HAS2: variants seen among roughly 807,000 people sequenced by gnomAD.
HAS2 encodes hyaluronan synthase 2.
In HAS2, 16 loss-of-function variants were observed where a neutral mutation model predicts 51.6. That is an observed-to-expected ratio of 0.31 (90% CI 0.21 to 0.47). HAS2 has a LOEUF of 0.47. Among genes scored for constraint, HAS2 ranks in the 20% least tolerant of loss-of-function variants. The probability of loss-of-function intolerance (pLI) is 1.00; values close to 1 mark genes in which losing one functional copy is unlikely to be tolerated. For missense variants in HAS2, 361 were observed against 662.6 expected (o/e 0.54, Z 5.00); for synonymous variants, 228 against 235.5 (o/e 0.97, Z 0.29).
At chr8:121,627,987 C>A (rs1812876507) in intron 2 of HAS2, among the ~76,000 whole-genome samples, 1 of 152,044 alleles carries the variant, frequency 6.6e-6, no homozygotes, top group Admixed American at 6.6e-5. Flanking sequence ...TCAATGAGAA[C>A]CAGGAGAGGA....
rs1278141634 is a variant in HAS2, at chr8:121,615,304, AT to A, written c.730-267del. On this transcript the variant is annotated intron_variant, in intron 3 of 3. Transcript: ENST00000303924. Reference sequence around the variant, plus strand: ...CCTCTACCCTCTTTCTGCTATTCTTATTCTGTTTGTTGTGTTATCATATTGA... The same window carrying A: ...CCTCTACCCTCTTTCTGCTATTCTTATCTGTTTGTTGTGTTATCATATTGA... Among the ~76,000 whole-genome samples, 4 of 151,476 alleles carry A rather than the reference AT, an allele frequency of 2.6e-5. No individual in the cohort carries two copies. The East Asian group carries it at 7.8e-4, about 29-fold the overall frequency.
chr8:121,623,134 A>G (rs1812795938), intron 2 of HAS2, among the ~76,000 whole-genome samples: 1 of 152,038 alleles, frequency 6.6e-6, no homozygotes, highest in South Asian at 2.1e-4. Flanking sequence ...ATTCTTCTTA[A>G]AAGGAATTAG....
intron 1 of HAS2, among the ~76,000 whole-genome samples, chr8:121,640,419 CAGTG>C (rs1461599405): frequency 2.7e-5 from 2 of 74,388 alleles, no homozygotes; most frequent in Non-Finnish European, 6.8e-5. Context: ...TTTCTCCCCA[CAGTG>C]TGTGTGTGTG....
chr8:121,615,895 C>CT (rs959434290), intron 3 of HAS2, among the ~76,000 whole-genome samples: 1 of 152,016 alleles, frequency 6.6e-6, no homozygotes, highest in South Asian at 2.1e-4. Context: ...AAATTATCAG[C>CT]TTTTTTTGGC....
rs1303862369 is a variant in HAS2, at chr8:121,612,555, C to T, written c.*1554G>A. 2.0e-5 allele frequency: 3 copies of T among 152,048 alleles called. No homozygotes were observed. The East Asian group carries it at 5.8e-4, about 29-fold the overall frequency. The allele number at this position is 152,048 out of a possible 1,614,324, so 9.4% of individuals were successfully genotyped here. On this transcript the variant is annotated 3_prime_UTR_variant, in exon 4 of 4. Transcript: ENST00000303924. ...CTGTTTATTCAATTATTCATATATT[C>T]CGATTGTGTTTTCAACACAGGTCTA...
chr8:121,618,288 A>G (rs1245763266), intron 2 of HAS2, among the ~76,000 whole-genome samples: 1 of 152,184 alleles, frequency 6.6e-6, no homozygotes, highest in Non-Finnish European at 1.5e-5. Flanking sequence ...ATTCTGAGTA[A>G]TTCCCAGAAC....
intron 2 of HAS2, among the ~76,000 whole-genome samples, chr8:121,622,364 C>G (rs2130438465): frequency 6.6e-6 from 1 of 152,190 alleles, no homozygotes; most frequent in South Asian, 2.1e-4. Flanking sequence ...GGATCCCAAT[C>G]CACCATTAAC....
Position 121,613,484 on chromosome 8 carries a change from AT to A in HAS2, c.*624del, listed in dbSNP as rs1466375907. 1 of 152,612 alleles carries A rather than the reference AT, an allele frequency of 6.6e-6. No individual in the cohort carries two copies. The highest frequency in any genetic ancestry group is 1.9e-4 in the East Asian group (1 of 5,198). 9.5% of individuals were successfully genotyped at this position (152,612 alleles called of 1,614,324 possible). On this transcript the variant is annotated 3_prime_UTR_variant, in exon 4 of 4. Transcript: ENST00000303924. Reference sequence around the variant, plus strand: ...ACATTTTGGGCAGGATTTTTTAAGTATAAATTTTTTAAGAACTTATTTTATT... The same window carrying A: ...ACATTTTGGGCAGGATTTTTTAAGTAAAATTTTTTAAGAACTTATTTTATT...
At chr8:121,616,602 A>G (rs1812706669) in intron 3 of HAS2, among the ~76,000 whole-genome samples, 1 of 151,688 alleles carries the variant, frequency 6.6e-6, no homozygotes, top group African/African-American at 2.4e-5. Flanking sequence ...CGCCCAGCTA[A>G]TTTTTGTATT....
chr8:121,624,308 A>G (rs1740257375), intron 2 of HAS2, among the ~76,000 whole-genome samples: 1 of 152,222 alleles, frequency 6.6e-6, no homozygotes, highest in Admixed American at 6.5e-5. Flanking sequence ...GAGACCATGA[A>G]GAGGATAATT....
intron 1 of HAS2, among the ~76,000 whole-genome samples, chr8:121,634,749 CT>C (rs77932541): frequency 0.096 from 13,743 of 142,664 alleles, 757 homozygotes; most frequent in African/African-American, 0.16. Flanking sequence ...CTCAAACAGT[CT>C]TTTTTTTTTT....
chr8:121,632,320 T>C (rs1812942080), intron 1 of HAS2, among the ~76,000 whole-genome samples: 1 of 152,186 alleles, frequency 6.6e-6, no homozygotes, highest in South Asian at 2.1e-4. Flanking sequence ...CCAATTCAAA[T>C]ACTCTGTTTC....
intron 1 of HAS2, among the ~76,000 whole-genome samples, chr8:121,633,489 C>A (rs1812963278): frequency 6.6e-6 from 1 of 152,114 alleles, no homozygotes. Flanking sequence ...AATTGGCACT[C>A]ACTCAAGTAC....
At chr8:121,632,818 G>T (rs1812951331) in intron 1 of HAS2, among the ~76,000 whole-genome samples, 1 of 151,918 alleles carries the variant, frequency 6.6e-6, no homozygotes, top group African/African-American at 2.4e-5. Context: ...AGGCAGTGGG[G>T]CAAGTTTCTT....
Position 121,612,569 on chromosome 8 carries a change from A to G in HAS2, c.*1540T>C, listed in dbSNP as rs1477913133. ...ATTCATATATTCCGATTGTGTTTTC[A>G]ACACAGGTCTACACAGCACCAGCTA... On this transcript the variant is annotated 3_prime_UTR_variant, in exon 4 of 4. Transcript: ENST00000303924. 6.6e-6 allele frequency: 1 copy of G among 152,116 alleles called. No individual in the cohort carries two copies. Among genetic ancestry groups the G allele is most frequent in the Non-Finnish European group, 1.5e-5 (1 of 68,006 alleles). The allele number at this position is 152,116 out of a possible 1,614,324, so 9.4% of individuals were successfully genotyped here.
intron 2 of HAS2, among the ~76,000 whole-genome samples, chr8:121,622,570 T>C (rs1372351695): frequency 6.6e-6 from 1 of 151,894 alleles, no homozygotes; most frequent in East Asian, 1.9e-4. Context: ...GGAACTCATA[T>C]ATACTAAAAA....
chr8:121,638,138 A>T (rs4302848), intron 1 of HAS2, among the ~76,000 whole-genome samples: 88,384 of 151,890 alleles, frequency 0.58, 27,106 homozygotes, highest in East Asian at 0.86. Flanking sequence ...CAAGAAAAAA[A>T]TTTTTTTAAA....
chr8:121,615,115 C>A, intron 3 of HAS2, 77 bp from the exon 4 acceptor site: 1 of 925,228 alleles, frequency 1.1e-6, no homozygotes. Flanking sequence ...CCTGAGGTTA[C>A]TACCTGGAGT....
intron 1 of HAS2, among the ~76,000 whole-genome samples, chr8:121,637,384 A>C (rs6470014): frequency 0.32 from 46,797 of 144,912 alleles, 8,393 homozygotes; most frequent in East Asian, 0.72. Flanking sequence ...TACCATTCAA[A>C]ATAGACTTTT....
Sources: gnomAD v4.1 joint callset for allele counts (sites outside exome capture counted in the v4.1 genomes callset) on GRCh38, gnomAD v4.1.1 for gene constraint, MANE v1.5 for transcripts, NCBI Gene and HGNC (gene_info 2026-07-23, HGNC 2026-07-21) for gene names.